FHIT: variants seen among roughly 807,000 people sequenced by gnomAD.
FHIT encodes the protein bis(5'-adenosyl)-triphosphatase.
A neutral mutation model predicts 17.9 loss-of-function variants in FHIT; 19 were observed. The ratio of observed to expected loss-of-function variants is 1.06; its 90% CI spans 0.74 to 1.56. The LOEUF is 1.56. Ranked by LOEUF, FHIT falls within the 40% of genes most tolerant of loss-of-function variation. FHIT has a pLI of 0.00. For missense variants in FHIT, 248 were observed against 189.2 expected (o/e 1.31, Z -1.82); for synonymous variants, 81 against 69.7 (o/e 1.16, Z -0.81).
At chr3:61,116,090 A>G (rs367969619) in intron 2 of FHIT, among the ~76,000 whole-genome samples, 5 of 152,064 alleles carry the variant, frequency 3.3e-5, no homozygotes, top group Non-Finnish European at 1.5e-5. Flanking sequence ...AACATTTACA[A>G]CAGGTAACTA....
At chr3:61,135,256 A>C (rs1576079715) in intron 2 of FHIT, among the ~76,000 whole-genome samples, 1 of 152,282 alleles carries the variant, frequency 6.6e-6, no homozygotes. Context: ...TCTTTCAATG[A>C]TTTTTGGCCT....
intron 8 of FHIT, among the ~76,000 whole-genome samples, chr3:59,790,285 G>C (rs576195195): frequency 1.0e-3 from 156 of 152,284 alleles, no homozygotes; most frequent in African/African-American, 3.6e-3. Flanking sequence ...TAAAAGGCAG[G>C]TGATAGCATT....
chr3:60,027,011 A>G (rs1195370408), intron 5 of FHIT, among the ~76,000 whole-genome samples: 2 of 151,846 alleles, frequency 1.3e-5, no homozygotes, highest in East Asian at 3.9e-4. Context: ...AGGCAGGAGA[A>G]TTTCTTGAAC....
chr3:60,207,282 A>G (rs1426875004), intron 5 of FHIT, among the ~76,000 whole-genome samples: 1 of 152,134 alleles, frequency 6.6e-6, no homozygotes, highest in Non-Finnish European at 1.5e-5. Context: ...AAATTTCTAG[A>G]AAGTTTTATT....
Position 60,173,915 on chromosome 3 carries a change from A to ATATATATATATATATATTTTTTTTTT in FHIT, c.104-159764_104-159763insAAAAAAAAAATATATATATATATATA. On this transcript the variant is annotated intron_variant, in intron 5 of 9. Transcript: ENST00000492590. ...TATATATATATATATATATATATATATGTTTTTTTTTTTTTTTGAGATCGA... is the reference window on the plus strand; with the variant it reads ...TATATATATATATATATATATATATATATATATATATATATATTTTTTTTTTTGTTTTTTTTTTTTTTTGAGATCGA... 1.4e-3 allele frequency among the ~76,000 whole-genome samples: 90 copies of ATATATATATATATATATTTTTTTTTT among 66,386 alleles called. 6 individuals carry two copies. The highest frequency in any genetic ancestry group is 1.9e-3 in the Non-Finnish European group (69 of 36,074). 43.6% of individuals were successfully genotyped at this position (66,386 alleles called of 152,430 possible). A position where few individuals can be genotyped will look rare whatever the true frequency, so the allele number is the denominator to read the frequency against.
chr3:60,579,186 C>G (rs1279819467), intron 4 of FHIT, among the ~76,000 whole-genome samples: 1 of 152,138 alleles, frequency 6.6e-6, no homozygotes, highest in African/African-American at 2.4e-5. Context: ...TAAGAGTGCA[C>G]TTACACAAAC....
In FHIT at chr3:61,124,691, A is replaced by G. The variant is rs1340767233; in HGVS notation, c.-164+75926T>C. On this transcript the variant is annotated intron_variant, in intron 2 of 9. Transcript: ENST00000492590. ...ATGGTTGCTGTAAAGTAATTTTTAT[A>G]TGGTTCATTGTGAGAGTTTAAGTAT... is the stretch of plus-strand genomic sequence containing the variant. 2.0e-5 allele frequency among the ~76,000 whole-genome samples: 3 copies of G among 152,182 alleles called. No individual in the cohort carries two copies. The South Asian group carries it at 6.2e-4, about 32-fold the overall frequency.
chr3:60,715,076 C>G (rs1176406319), intron 4 of FHIT, among the ~76,000 whole-genome samples: 1 of 151,964 alleles, frequency 6.6e-6, no homozygotes, highest in Admixed American at 6.5e-5. Flanking sequence ...GGTACTGGTA[C>G]CAAAACAGAG....
At chr3:60,083,178 A>C (rs1034940707) in intron 5 of FHIT, among the ~76,000 whole-genome samples, 1 of 152,088 alleles carries the variant, frequency 6.6e-6, no homozygotes. Flanking sequence ...TTTCTTGTGC[A>C]TATAGTTAGC....
At chr3:60,422,245 AT>A (rs1702503952) in intron 5 of FHIT, among the ~76,000 whole-genome samples, 1 of 152,142 alleles carries the variant, frequency 6.6e-6, no homozygotes, top group Non-Finnish European at 1.5e-5. Context: ...TATTCCAAAG[AT>A]TTGCACACAG....
Position 60,774,737 on chromosome 3 carries a change from A to G in FHIT, c.-18+47182T>C, listed in dbSNP as rs75448523. Reference sequence around the variant, plus strand: ...GGGTTCCTTGAATATAAGCACTGTGATACTGCAACAGTGGATCTGATCACA... The same window carrying G: ...GGGTTCCTTGAATATAAGCACTGTGGTACTGCAACAGTGGATCTGATCACA... On this transcript the variant is annotated intron_variant, in intron 4 of 9. Coordinates refer to ENST00000492590, the MANE Select transcript of FHIT (RefSeq NM_002012.4). Among the ~76,000 whole-genome samples the G allele has an allele frequency of 6.5e-3, 994 of 152,306 alleles. 16 individuals are homozygous for G. The highest frequency in any genetic ancestry group is 0.022 in the African/African-American group (928 of 41,562).
At chr3:60,842,643 ATATT>A (rs1377940136) in intron 3 of FHIT, among the ~76,000 whole-genome samples, 22 of 48,220 alleles carry the variant, frequency 4.6e-4, no homozygotes, top group African/African-American at 1.1e-3. Context: ...ATATATATAT[ATATT>A]TTTTTTTTTT....
At chr3:60,445,666 AGCC>A (rs1415592667) in intron 5 of FHIT, among the ~76,000 whole-genome samples, 1 of 152,066 alleles carries the variant, frequency 6.6e-6, no homozygotes, top group Non-Finnish European at 1.5e-5. Context: ...ATTTTACTTA[AGCC>A]TGTCTGAACT....
intron 7 of FHIT, among the ~76,000 whole-genome samples, chr3:59,976,264 C>A (rs907428294): frequency 1.3e-5 from 2 of 152,030 alleles, no homozygotes; most frequent in African/African-American, 4.8e-5. Flanking sequence ...TCTTTCTCTT[C>A]CCTGCCCTGA....
intron 2 of FHIT, among the ~76,000 whole-genome samples, chr3:61,063,014 T>G: frequency 6.6e-6 from 1 of 151,862 alleles, no homozygotes; most frequent in Non-Finnish European, 1.5e-5. Flanking sequence ...TAGTTTTAAG[T>G]GTTGGGAGTC....
intron 5 of FHIT, among the ~76,000 whole-genome samples, chr3:60,176,643 A>G (rs776266493): frequency 2.0e-5 from 3 of 152,178 alleles, no homozygotes; most frequent in Non-Finnish European, 2.9e-5. Context: ...TCAGGTAAGT[A>G]AAAAAGCTCA....
intron 5 of FHIT, among the ~76,000 whole-genome samples, chr3:60,227,576 A>C (rs573957475): frequency 6.6e-6 from 1 of 152,338 alleles, no homozygotes; most frequent in Admixed American, 6.5e-5. Flanking sequence ...AGAAGGAAGA[A>C]CACGGCTGAA....
chr3:60,093,885 T>C (rs1013413382), intron 5 of FHIT, among the ~76,000 whole-genome samples: 2 of 152,196 alleles, frequency 1.3e-5, no homozygotes, highest in African/African-American at 2.4e-5. Flanking sequence ...TGTTCTATAT[T>C]GCCTACTACA....
intron 5 of FHIT, among the ~76,000 whole-genome samples, chr3:60,300,213 A>T (rs1054663005): frequency 6.6e-6 from 1 of 152,138 alleles, no homozygotes; most frequent in African/African-American, 2.4e-5. Context: ...GAAGAGGAAA[A>T]AGTACACCTT....
Sources: allele counts gnomAD v4.1 joint callset (sites outside exome capture counted in the v4.1 genomes callset), GRCh38; gene constraint gnomAD v4.1.1; transcripts MANE v1.5; gene names NCBI Gene and HGNC (gene_info 2026-07-23, HGNC 2026-07-21).